Variants in CMSS1 observed in about 807,000 individuals in gnomAD.
CMSS1 encodes cms1 ribosomal small subunit homolog.
Under a neutral mutation model 43.5 loss-of-function variants are expected in CMSS1, and 33 were observed. The ratio of observed to expected loss-of-function variants is 0.76; its 90% CI spans 0.57 to 1.01. The LOEUF (loss-of-function observed/expected upper bound fraction) is 1.01. CMSS1 is among the 50% of genes least tolerant of loss of function. The pLI, the probability that CMSS1 is intolerant of heterozygous loss-of-function variation, is 0.00. For synonymous variants in CMSS1, 115 were observed against 117.2 expected (o/e 0.98, Z 0.12); for missense variants, 313 against 326.4 (o/e 0.96, Z 0.32).
rs1295560210 is a variant in CMSS1 at position 99,882,906 on chromosome 3, C to T, written c.64+64863C>T. 2.6e-5 allele frequency among the ~76,000 whole-genome samples: 4 copies of T among 152,160 alleles called. No homozygotes were observed. The East Asian group carries it at 5.8e-4, about 22-fold the overall frequency. ...ATAGATTGCTGCTTATCATCTCAGG[C>T]CACTAAGATTGGCCACATGTCAAAA... On this transcript the variant is annotated intron_variant, in intron 1 of 9. Coordinates refer to ENST00000421999, the MANE Select transcript of CMSS1 (RefSeq NM_032359.4).
chr3:99,852,111 A>C lies in CMSS1; in HGVS notation c.64+34068A>C, dbSNP rs546609079. ...GGGTATTTTACATGTAGTATAAACT[A>C]TCTCTTCCACTTAAGTAGTGAGGTC... On this transcript the variant is annotated intron_variant, in intron 1 of 9. Transcript: ENST00000421999. Among the ~76,000 whole-genome samples the C allele has an allele frequency of 1.3e-4, 20 of 152,336 alleles. No homozygotes were observed. The South Asian group carries it at 4.1e-3, about 32-fold the overall frequency.
At chr3:100,047,914 G>A (rs189871773) in intron 1 of CMSS1, among the ~76,000 whole-genome samples, 142 of 152,278 alleles carry the variant, frequency 9.3e-4, no homozygotes, top group African/African-American at 3.3e-3. Flanking sequence ...CTGGCACTTA[G>A]TAGGCAAATT....
intron 1 of CMSS1, among the ~76,000 whole-genome samples, chr3:99,857,649 T>C (rs377214100): frequency 1.3e-4 from 20 of 152,342 alleles, no homozygotes; most frequent in Non-Finnish European, 2.6e-4. Flanking sequence ...GTTTTTCAGA[T>C]GCTTGGTCCA....
Position 100,034,588 on chromosome 3 carries a change from TTAA to T in CMSS1, c.65-112384_65-112382del, listed in dbSNP as rs534751467. ...ATCTGAATTGGCTGCTTTTGGTCAT[TTAA>T]ACATGCTTCCTTATCAGTAAAACTA... On this transcript the variant is annotated intron_variant, in intron 1 of 9. Transcript: ENST00000421999. Among the ~76,000 whole-genome samples, 334 of 152,350 alleles carry T rather than the reference TTAA, an allele frequency of 2.2e-3. 1 individual carries two copies. Among genetic ancestry groups the T allele is most frequent in the African/African-American group, 7.6e-3 (316 of 41,584 alleles).
intron 1 of CMSS1, among the ~76,000 whole-genome samples, chr3:99,930,268 T>A (rs1423825633): frequency 1.3e-5 from 2 of 152,226 alleles, no homozygotes; most frequent in Non-Finnish European, 2.9e-5. Context: ...CTACTTTTTT[T>A]ATTATGTTTG....
chr3:100,156,338 C>T (rs1336289219), intron 2 of CMSS1, among the ~76,000 whole-genome samples: 11 of 99,382 alleles, frequency 1.1e-4, no homozygotes, highest in South Asian at 7.2e-4. Context: ...AGGCAGAGTT[C>T]GGCTCTGTCA....
chr3:100,167,000 A>C (rs922420848), intron 5 of CMSS1, among the ~76,000 whole-genome samples: 1 of 152,062 alleles, frequency 6.6e-6, no homozygotes, highest in African/African-American at 2.4e-5. Context: ...CTCCCCACTC[A>C]GCCTCCCAAA....
intron 1 of CMSS1, among the ~76,000 whole-genome samples, chr3:99,835,736 A>G (rs959764913): frequency 1.2e-4 from 18 of 152,240 alleles, no homozygotes; most frequent in African/African-American, 2.9e-4. Context: ...AGATGATAGC[A>G]TAGGAGGGGT....
chr3:100,112,442 A>C (rs1398622096), intron 1 of CMSS1, among the ~76,000 whole-genome samples: 2 of 152,198 alleles, frequency 1.3e-5, no homozygotes, highest in Non-Finnish European at 1.5e-5. Context: ...TGGCACAATA[A>C]AATATCTTCA....
rs75031864 is a variant in CMSS1, at chr3:99,856,412, A to G, written c.64+38369A>G. 4.3e-3 allele frequency among the ~76,000 whole-genome samples: 650 copies of G among 152,308 alleles called. 4 individuals carry two copies. Among genetic ancestry groups the G allele is most frequent in the Non-Finnish European group, 6.5e-3 (440 of 68,022 alleles). ...GTACATGTACCCCAGTTTAAAGACT[A>G]TTGTCTTGGAGTACTCATATTCATG... On this transcript the variant is annotated intron_variant, in intron 1 of 9. Transcript: ENST00000421999.
At chr3:99,897,187 A>G (rs531759969) in intron 1 of CMSS1, among the ~76,000 whole-genome samples, 4 of 152,078 alleles carry the variant, frequency 2.6e-5, no homozygotes, top group Middle Eastern at 3.4e-3. Context: ...AGTGAAACCC[A>G]ATCTCTACTA....
intron 1 of CMSS1, among the ~76,000 whole-genome samples, chr3:99,967,302 T>G (rs1708683195): frequency 6.6e-6 from 1 of 152,216 alleles, no homozygotes; most frequent in Admixed American, 6.5e-5. Flanking sequence ...AGGATAGTGT[T>G]GGTAATAATG....
chr3:99,963,157 G>C lies in CMSS1; in HGVS notation c.64+145114G>C, dbSNP rs556239922. Among the ~76,000 whole-genome samples the C allele has an allele frequency of 5.3e-5, 8 of 152,302 alleles. No homozygotes were observed. The South Asian group carries it at 1.7e-3, about 32-fold the overall frequency. ...CAGTGCACCAGAGAAAGTTCGAAATGCTCTTACTCTTAGGGAAACCTTTCC... is the reference window on the plus strand; with the variant it reads ...CAGTGCACCAGAGAAAGTTCGAAATCCTCTTACTCTTAGGGAAACCTTTCC... On this transcript the variant is annotated intron_variant, in intron 1 of 9. Transcript: ENST00000421999.
intron 1 of CMSS1, among the ~76,000 whole-genome samples, chr3:99,913,053 C>G (rs1706840669): frequency 6.6e-6 from 1 of 152,168 alleles, no homozygotes. Flanking sequence ...TAAGAACTTT[C>G]TCACCCACTT....
chr3:100,070,764 T>G (rs1035033183), intron 1 of CMSS1, among the ~76,000 whole-genome samples: 4 of 152,162 alleles, frequency 2.6e-5, no homozygotes, highest in Admixed American at 2.6e-4. Context: ...CCCAAGTAGC[T>G]GGGATTAAAG....
intron 1 of CMSS1, among the ~76,000 whole-genome samples, chr3:99,863,899 C>G (rs2107562693): frequency 6.6e-6 from 1 of 152,278 alleles, no homozygotes; most frequent in South Asian, 2.1e-4. Context: ...AAACACTGTT[C>G]CTCAGCATCT....
chr3:99,986,698 A>C (rs1340327520), intron 1 of CMSS1, among the ~76,000 whole-genome samples: 2 of 152,184 alleles, frequency 1.3e-5, no homozygotes, highest in East Asian at 3.9e-4. Flanking sequence ...AAGGAGGAGA[A>C]TGGTTCTTCC....
intron 1 of CMSS1, among the ~76,000 whole-genome samples, chr3:100,100,616 G>A (rs2066287779): frequency 6.6e-6 from 1 of 152,108 alleles, no homozygotes; most frequent in Non-Finnish European, 1.5e-5. Context: ...CAGAGAGGAA[G>A]GGAAGAATCA....
chr3:100,160,020 A>G, intron 2 of CMSS1: 1 of 433,356 alleles, frequency 2.3e-6, no homozygotes, highest in South Asian at 1.6e-5. Flanking sequence ...GTAGGCTCAC[A>G]CACAGCTAGT....
Sources: gnomAD v4.1 joint callset for allele counts (sites outside exome capture counted in the v4.1 genomes callset) on GRCh38, gnomAD v4.1.1 for gene constraint, MANE v1.5 for transcripts, NCBI Gene and HGNC (gene_info 2026-07-23, HGNC 2026-07-21) for gene names.